Variants in FOXN3 observed in about 807,000 individuals in gnomAD.
FOXN3 encodes forkhead box N3.
Under a neutral mutation model 38.4 loss-of-function variants are expected in FOXN3, and 7 were observed. The observed-to-expected ratio is 0.18, with a 90% confidence interval of 0.10 to 0.34. FOXN3 has a LOEUF of 0.34. Ranked by LOEUF, FOXN3 falls within the 10% of genes least tolerant of loss-of-function variation. The pLI is 1.00. For synonymous variants in FOXN3, 230 were observed against 242.2 expected (o/e 0.95, Z 0.47); for missense variants, 456 against 613.4 (o/e 0.74, Z 2.71).
intron 4 of FOXN3, among the ~76,000 whole-genome samples, chr14:89,232,692 G>GCAAC (rs1884851551): frequency 6.6e-6 from 1 of 152,168 alleles, no homozygotes; most frequent in Non-Finnish European, 1.5e-5. Context: ...CCTGGATGGA[G>GCAAC]CAACCCCATT....
intron 4 of FOXN3, among the ~76,000 whole-genome samples, chr14:89,213,207 A>G (rs1438074288): frequency 1.3e-5 from 2 of 152,186 alleles, no homozygotes; most frequent in African/African-American, 4.8e-5. Flanking sequence ...AGACAACCTC[A>G]GTTCAGCTCT....
intron 1 of FOXN3, among the ~76,000 whole-genome samples, chr14:89,414,186 G>A (rs1367888302): frequency 6.6e-6 from 1 of 151,676 alleles, no homozygotes; most frequent in Non-Finnish European, 1.5e-5. Flanking sequence ...GTGTGGTGGT[G>A]TGTGCCTGTA....
At chr14:89,253,969 T>C (rs1022265402) in intron 4 of FOXN3, among the ~76,000 whole-genome samples, 2 of 152,146 alleles carry the variant, frequency 1.3e-5, no homozygotes, top group African/African-American at 4.8e-5. Context: ...CCCAGCACGA[T>C]CCCTGGCCTG....
intron 1 of FOXN3, among the ~76,000 whole-genome samples, chr14:89,597,131 T>A (rs1896071978): frequency 6.6e-6 from 1 of 152,232 alleles, no homozygotes; most frequent in East Asian, 1.9e-4. Flanking sequence ...AAGCATTGCT[T>A]TACATGCATT....
intron 1 of FOXN3, among the ~76,000 whole-genome samples, chr14:89,507,013 A>G (rs1453605159): frequency 6.6e-6 from 1 of 152,012 alleles, no homozygotes; most frequent in East Asian, 1.9e-4. Context: ...TCCTCTGCCT[A>G]GGAAAACCAG....
chr14:89,387,202 G>A (rs1367991806), intron 2 of FOXN3, among the ~76,000 whole-genome samples: 3 of 152,216 alleles, frequency 2.0e-5, no homozygotes, highest in Non-Finnish European at 4.4e-5. Context: ...GTTGCAGTAA[G>A]CCGAGATCGT....
chr14:89,410,589 T>G (rs1443815375), intron 2 of FOXN3, among the ~76,000 whole-genome samples: 2 of 152,182 alleles, frequency 1.3e-5, no homozygotes, highest in Non-Finnish European at 2.9e-5. Flanking sequence ...AAAACAAAAA[T>G]AGGCCAGGCG....
chr14:89,328,908 TG>T lies in FOXN3; in HGVS notation c.680+21763del, dbSNP rs146513642. Among the ~76,000 whole-genome samples, 1,328 of 152,312 alleles carry T rather than the reference TG, an allele frequency of 8.7e-3. 17 individuals carry two copies. Among genetic ancestry groups the T allele is most frequent in the African/African-American group, 0.029 (1,221 of 41,564 alleles). ...ATATAAGACGTGCAATGAAATAAGCTGCCTATGTCATTCAGCCATGGGACTG... is the reference window on the plus strand; with the variant it reads ...ATATAAGACGTGCAATGAAATAAGCTCCTATGTCATTCAGCCATGGGACTG... On this transcript the variant is annotated intron_variant, in intron 3 of 5. Coordinates refer to ENST00000557258, the MANE Select transcript of FOXN3 (RefSeq NM_005197.4).
chr14:89,347,588 T>C (rs1415395631), intron 3 of FOXN3, among the ~76,000 whole-genome samples: 2 of 152,202 alleles, frequency 1.3e-5, no homozygotes, highest in Non-Finnish European at 2.9e-5. Flanking sequence ...TTAAAAACAA[T>C]TCACAAATTT....
intron 1 of FOXN3, among the ~76,000 whole-genome samples, chr14:89,468,045 C>T (rs971851658): frequency 7.3e-5 from 11 of 151,458 alleles, no homozygotes; most frequent in Non-Finnish European, 1.3e-4. Context: ...TATGCATGCA[C>T]ATATATACAT....
intron 2 of FOXN3, among the ~76,000 whole-genome samples, chr14:89,379,687 C>T (rs1400681132): frequency 2.0e-5 from 3 of 151,932 alleles, no homozygotes; most frequent in Admixed American, 1.3e-4. Flanking sequence ...TTCGCTCTTT[C>T]GCCCAGGCTG....
At chr14:89,335,473 T>C (rs1888422364) in intron 3 of FOXN3, among the ~76,000 whole-genome samples, 1 of 152,240 alleles carries the variant, frequency 6.6e-6, no homozygotes, top group African/African-American at 2.4e-5. Context: ...ATTCCTACGA[T>C]CTAAGTCTTG....
At chr14:89,303,511 A>AC (rs1390533420) in intron 3 of FOXN3, among the ~76,000 whole-genome samples, 1 of 150,518 alleles carries the variant, frequency 6.6e-6, no homozygotes, top group Non-Finnish European at 1.5e-5. Context: ...AAAAAAAACA[A>AC]AAAAAAAACT....
chr14:89,613,354 A>G (rs938956414), intron 1 of FOXN3, among the ~76,000 whole-genome samples: 1 of 152,090 alleles, frequency 6.6e-6, no homozygotes, highest in Non-Finnish European at 1.5e-5. Flanking sequence ...CCCCCAAACC[A>G]TGGGAGCTTA....
chr14:89,286,290 G>A (rs535660827), intron 3 of FOXN3, among the ~76,000 whole-genome samples: 13 of 152,202 alleles, frequency 8.5e-5, no homozygotes, highest in African/African-American at 2.2e-4. Context: ...TGCTTGGGGC[G>A]GGAAGAAAGG....
chr14:89,259,949 A>G (rs1885744332), intron 4 of FOXN3, among the ~76,000 whole-genome samples: 1 of 152,196 alleles, frequency 6.6e-6, no homozygotes, highest in African/African-American at 2.4e-5. Flanking sequence ...TCTACTCTCA[A>G]CCAGCATATC....
chr14:89,170,415 C>CT (rs1223082815), intron 5 of FOXN3, among the ~76,000 whole-genome samples: 1 of 152,098 alleles, frequency 6.6e-6, no homozygotes. Flanking sequence ...CACATGACAT[C>CT]TTTTTTATTT....
intron 4 of FOXN3, among the ~76,000 whole-genome samples, chr14:89,205,662 C>T (rs745796552): frequency 3.9e-5 from 6 of 152,214 alleles, no homozygotes; most frequent in Non-Finnish European, 8.8e-5. Flanking sequence ...TTCTGGCTCC[C>T]CATCCACCTC....
intron 1 of FOXN3, among the ~76,000 whole-genome samples, chr14:89,430,639 G>A (rs894707885): frequency 9.9e-5 from 15 of 152,132 alleles, no homozygotes; most frequent in Admixed American, 1.3e-4. Context: ...TGAAGACATC[G>A]CGAGAGTTAA....
Sources: allele counts gnomAD v4.1 joint callset (sites outside exome capture counted in the v4.1 genomes callset), GRCh38; gene constraint gnomAD v4.1.1; transcripts MANE v1.5; gene names NCBI Gene and HGNC (gene_info 2026-07-23, HGNC 2026-07-21).